Variants in COL9A1 observed in about 807,000 individuals in gnomAD.
The protein encoded by COL9A1 is collagen type IX alpha 1 chain, also known as collagen alpha-1(IX) chain.
In COL9A1, 104 loss-of-function variants were observed where a neutral mutation model predicts 142.6. The ratio of observed to expected loss-of-function variants is 0.73; its 90% CI spans 0.62 to 0.86. The LOEUF (loss-of-function observed/expected upper bound fraction) is 0.86. Ranked by LOEUF, COL9A1 falls within the 40% of genes least tolerant of loss-of-function variation. The probability of loss-of-function intolerance (pLI) is 0.00; values close to 1 mark genes in which losing one functional copy is unlikely to be tolerated. For missense variants in COL9A1, 1,210 were observed against 1,176.6 expected (o/e 1.03, Z -0.42); for synonymous variants, 466 against 396.0 (o/e 1.18, Z -2.10).
rs767230729 is a variant in COL9A1 at position 70,281,010 on chromosome 6, G to T, written c.906C>A (p.Gly302=). 6 of 1,613,144 alleles carry T rather than the reference G, an allele frequency of 3.7e-6. No homozygotes were observed. The East Asian group carries it at 1.1e-4, about 30-fold the overall frequency. ...DGDRGPKGPP[G]PPGPAGEPGK... The stretch of plus-strand genomic sequence containing the variant: ...TATGCTCCAATCAACTTACCGGGGG[G>T]CCCGGGGGGCCCTTAGGACCTCGGT... The change falls in exon 9 of 38, where the codon GGC becomes GGA. Residue 302 remains glycine (G), a synonymous_variant. Transcript: ENST00000357250.
At chr6:70,298,574 G>A (rs1478772996) in intron 4 of COL9A1, among the ~76,000 whole-genome samples, 1 of 152,076 alleles carries the variant, frequency 6.6e-6, no homozygotes, top group African/African-American at 2.4e-5. Flanking sequence ...ATATAGCCTG[G>A]GTACATTATT....
chr6:70,240,587 AT>A (rs1770186397), intron 32 of COL9A1, 101 bp downstream of exon 32: 1 of 626,682 alleles, frequency 1.6e-6, no homozygotes, highest in African/African-American at 1.9e-5. Flanking sequence ...GAATATATAT[AT>A]ATATATACCA....
At chr6:70,274,254 T>C (rs1011850259) in intron 11 of COL9A1, among the ~76,000 whole-genome samples, 172 bp from the exon 12 acceptor site, 21 of 152,054 alleles carry the variant, frequency 1.4e-4, no homozygotes, top group Non-Finnish European at 2.9e-4. Flanking sequence ...TGCAGGTTTG[T>C]TACATAGGTA....
intron 6 of COL9A1, chr6:70,283,209 G>T (rs1320563739): frequency 3.1e-5 from 45 of 1,464,612 alleles, no homozygotes; most frequent in Non-Finnish European, 3.8e-5. Flanking sequence ...GGAGGCGCGC[G>T]TTCCCCCTGT....
At chr6:70,273,479 T>C (rs1464763900) in intron 12 of COL9A1, among the ~76,000 whole-genome samples, 1 of 151,912 alleles carries the variant, frequency 6.6e-6, no homozygotes, top group East Asian at 1.9e-4. Context: ...AAAATACAGA[T>C]TAATGACAAG....
At chr6:70,230,197 A>C (rs781139795) in intron 36 of COL9A1, among the ~76,000 whole-genome samples, 2 of 152,248 alleles carry the variant, frequency 1.3e-5, no homozygotes, top group Non-Finnish European at 2.9e-5. Context: ...GGATATTACA[A>C]AGCTATATGT....
intron 5 of COL9A1, among the ~76,000 whole-genome samples, chr6:70,289,399 T>A (rs1008245435): frequency 8.5e-5 from 13 of 152,184 alleles, no homozygotes; most frequent in Admixed American, 8.5e-4. Context: ...CAGTTTTTAT[T>A]CTAGCTATCC....
Position 70,222,356 on chromosome 6 carries a change from A to G in COL9A1, c.2581+3576T>C, listed in dbSNP as rs192240046. ...GAGGAAACTGAAGCACTTCAAGGTAAAAGAATAGTGCATAAGCCCTGGCAG... is the reference window on the plus strand; with the variant it reads ...GAGGAAACTGAAGCACTTCAAGGTAGAAGAATAGTGCATAAGCCCTGGCAG... On this transcript the variant is annotated intron_variant, in intron 37 of 37. Coordinates refer to ENST00000357250, the MANE Select transcript of COL9A1 (RefSeq NM_001851.6). 6.6e-5 allele frequency among the ~76,000 whole-genome samples: 10 copies of G among 152,276 alleles called. No individual in the cohort carries two copies. In the South Asian group the frequency reaches 1.2e-3, roughly 19 times the overall value.
At chr6:70,266,679 TA>T in intron 18 of COL9A1, 37 bp downstream of exon 18, 1 of 1,500,336 alleles carries the variant, frequency 6.7e-7, no homozygotes, top group Non-Finnish European at 9.3e-7. Context: ...CAATAACTCC[TA>T]ATCACAATTT....
At chr6:70,289,922 G>A (rs1773594740) in intron 5 of COL9A1, among the ~76,000 whole-genome samples, 1 of 152,230 alleles carries the variant, frequency 6.6e-6, no homozygotes, top group Non-Finnish European at 1.5e-5. Flanking sequence ...CAATTCTGTG[G>A]ATGGAGAAAA....
downstream of COL9A1, chr6:70,215,675 CA>C (rs1768456699): frequency 6.6e-6 from 1 of 152,124 alleles, no homozygotes; most frequent in East Asian, 1.9e-4. Flanking sequence ...ATAAAATTTA[CA>C]AGAAATGGTG....
chr6:70,302,759 T>A (rs1314698694), intron 1 of COL9A1, 152 bp downstream of exon 1: 1 of 911,186 alleles, frequency 1.1e-6, no homozygotes, highest in Non-Finnish European at 1.8e-6. Flanking sequence ...ACGCTTGCCC[T>A]CTTGTCTTAC....
Position 70,253,410 on chromosome 6 carries a change from C to A in COL9A1, c.1739G>T (p.Gly580Val). The A allele has an allele frequency of 6.2e-7, 1 of 1,606,282 alleles. No homozygotes were observed. The highest frequency in any genetic ancestry group is 8.5e-7 in the Non-Finnish European group (1 of 1,173,496). Reference sequence around the variant, plus strand: ...CTTTTCACCAGCAACACCCTTTGCACCAGGAATTCCAGGTACACCCTAAAA... The same window carrying A: ...CTTTTCACCAGCAACACCCTTTGCAACAGGAATTCCAGGTACACCCTAAAA... ...QGLPGVPGIP[G>V]AKGVAGEKGS... The change falls in exon 26 of 38, where the codon GGT becomes GTT. Residue 580 changes from glycine (G) to valine (V), a missense_variant. Coordinates refer to ENST00000357250, the MANE Select transcript of COL9A1 (RefSeq NM_001851.6).
At chr6:70,300,939 G>C (rs1456516535) in intron 2 of COL9A1, among the ~76,000 whole-genome samples, 1 of 152,106 alleles carries the variant, frequency 6.6e-6, no homozygotes, top group East Asian at 1.9e-4. Context: ...GGGGCCTGGG[G>C]AAGTCTTGAG....
At chr6:70,297,235 G>A (rs1196199471) in intron 4 of COL9A1, among the ~76,000 whole-genome samples, 1 of 152,068 alleles carries the variant, frequency 6.6e-6, no homozygotes, top group Admixed American at 6.6e-5. Flanking sequence ...AATGATGGAG[G>A]GTAGGTTTGA....
intron 14 of COL9A1, 93 bp downstream of exon 14, chr6:70,271,562 A>T: frequency 9.2e-7 from 1 of 1,092,760 alleles, no homozygotes; most frequent in Non-Finnish European, 1.4e-6. Flanking sequence ...TTTGGTTTGC[A>T]AGTGGAAATG....
intron 4 of COL9A1, among the ~76,000 whole-genome samples, chr6:70,297,047 C>T (rs1193628323): frequency 6.6e-6 from 1 of 152,002 alleles, no homozygotes; most frequent in African/African-American, 2.4e-5. Flanking sequence ...GTTTAGGTGA[C>T]TCTTGTGAAA....
intron 28 of COL9A1, among the ~76,000 whole-genome samples, chr6:70,246,625 A>G (rs1289379233): frequency 6.6e-6 from 1 of 152,036 alleles, no homozygotes; most frequent in Non-Finnish European, 1.5e-5. Flanking sequence ...TTTATGTTGT[A>G]TTTGTTTGTC....
chr6:70,270,410 CA>C (rs1772321525), intron 14 of COL9A1, 43 bp from the exon 15 acceptor site: 1 of 1,566,808 alleles, frequency 6.4e-7, no homozygotes, highest in East Asian at 2.2e-5. Flanking sequence ...ATACATGTGT[CA>C]AAACACAGTA....
Sources: gnomAD v4.1 joint callset for allele counts (sites outside exome capture counted in the v4.1 genomes callset) on GRCh38, gnomAD v4.1.1 for gene constraint, MANE v1.5 for transcripts, NCBI Gene and HGNC (gene_info 2026-07-23, HGNC 2026-07-21) for gene names.